Variants in ELL2 observed in about 807,000 individuals in gnomAD.
ELL2 encodes RNA polymerase II elongation factor ELL2.
ELL2 carries 21 observed loss-of-function variants against 72.8 expected under a neutral mutation model. The ratio of observed to expected loss-of-function variants is 0.29; its 90% confidence interval spans 0.20 to 0.42. ELL2 has a LOEUF of 0.42. ELL2 is among the 10% of genes least tolerant of loss of function. The pLI is 1.00. For synonymous variants in ELL2, 266 were observed against 283.2 expected (o/e 0.94, Z 0.61); for missense variants, 568 against 772.8 (o/e 0.73, Z 3.14).
In ELL2 at chr5:95,887,250, A is replaced by T. The variant is rs1344021521; in HGVS notation, c.*1621T>A. On this transcript the variant is annotated 3_prime_UTR_variant, in exon 12 of 12. Transcript: ENST00000237853. ...CTTTGTATAGTCTGTATACTTCTGTATACATTTAGTATATTATCTAATCTT... is the reference window on the plus strand; with the variant it reads ...CTTTGTATAGTCTGTATACTTCTGTTTACATTTAGTATATTATCTAATCTT... The T allele has an allele frequency of 6.6e-6, 1 of 152,288 alleles. No individual in the cohort carries two copies. The highest frequency in any genetic ancestry group is 2.4e-5 in the African/African-American group (1 of 41,454). The allele number at this position is 152,288 out of a possible 1,614,324, so 9.4% of individuals were successfully genotyped here. A position where few individuals can be genotyped will look rare whatever the true frequency, so the allele number is the denominator to read the frequency against.
intron 1 of ELL2, among the ~76,000 whole-genome samples, chr5:95,946,196 G>C (rs1333259993): frequency 2.6e-5 from 4 of 152,160 alleles, no homozygotes; most frequent in Non-Finnish European, 4.4e-5. Flanking sequence ...GTGCAGTCCG[G>C]GCGGATGCTT....
intron 7 of ELL2, among the ~76,000 whole-genome samples, chr5:95,899,271 G>A (rs1749030586): frequency 1.3e-5 from 2 of 152,170 alleles, no homozygotes; most frequent in Admixed American, 1.3e-4. Flanking sequence ...GACTCTGTGA[G>A]AACTAACACA....
At chr5:95,939,541 C>G (rs2112343919) in intron 2 of ELL2, among the ~76,000 whole-genome samples, 1 of 152,348 alleles carries the variant, frequency 6.6e-6, no homozygotes, top group African/African-American at 2.4e-5. Context: ...TGGTTGATAA[C>G]TGCATCAGTA....
intron 1 of ELL2, among the ~76,000 whole-genome samples, chr5:95,955,539 T>C (rs1751596873): frequency 6.6e-6 from 1 of 152,076 alleles, no homozygotes; most frequent in South Asian, 2.1e-4. Flanking sequence ...AGGAAGGAGA[T>C]AAAAAAAGAC....
intron 2 of ELL2, among the ~76,000 whole-genome samples, chr5:95,922,574 C>A (rs759552036): frequency 1.3e-5 from 2 of 152,138 alleles, no homozygotes; most frequent in Non-Finnish European, 2.9e-5. Context: ...GTAGCTTTTT[C>A]CTTTCTCATC....
At position 95,898,762 on chromosome 5, in the gene ELL2, C is replaced by T; in HGVS notation, c.1003G>A (p.Ala335Thr). 6.5e-7 allele frequency: 1 copy of T among 1,540,748 alleles called. No homozygotes were observed. The highest frequency in any genetic ancestry group is 2.3e-5 in the East Asian group (1 of 43,638). The stretch of plus-strand genomic sequence containing the variant: ...CTGTTCGTCAGGTGAGATATTCGGG[C>T]TTTTTTATTCATTAAAGGATCAATA... ...EFIDPLMNKK[A>T]RISHLTNRVP... The change falls in exon 8 of 12, where the codon GCC becomes ACC. Residue 335 changes from alanine to threonine, a missense_variant. Coordinates refer to ENST00000237853, the MANE Select transcript of ELL2 (RefSeq NM_012081.6).
chr5:95,961,373 G>T (rs1257361367), intron 1 of ELL2, among the ~76,000 whole-genome samples: 1 of 151,450 alleles, frequency 6.6e-6, no homozygotes, highest in East Asian at 2.0e-4. Flanking sequence ...GGGGCCGCCC[G>T]ACTGCCCGCT....
intron 2 of ELL2, among the ~76,000 whole-genome samples, chr5:95,931,333 C>T (rs1269224399): frequency 1.3e-5 from 2 of 152,092 alleles, no homozygotes; most frequent in East Asian, 3.8e-4. Context: ...AGGCCCGGTA[C>T]ACAGTAAGTG....
chr5:95,936,729 AGTAAGG>A (rs11280102), intron 2 of ELL2, among the ~76,000 whole-genome samples: 38,028 of 151,950 alleles, frequency 0.25, 4,998 homozygotes, highest in East Asian at 0.37. Flanking sequence ...TAGGTGACAG[AGTAAGG>A]GATGGTTAAA....
intron 9 of ELL2, among the ~76,000 whole-genome samples, chr5:95,894,225 A>T (rs1748780235): frequency 6.6e-6 from 1 of 152,186 alleles, no homozygotes; most frequent in Non-Finnish European, 1.5e-5. Flanking sequence ...GGGCAACAAG[A>T]GCGAAATTCC....
At chr5:95,936,155 T>C (rs980783828) in intron 2 of ELL2, among the ~76,000 whole-genome samples, 1 of 152,248 alleles carries the variant, frequency 6.6e-6, no homozygotes, top group African/African-American at 2.4e-5. Flanking sequence ...TACATCTATA[T>C]GTGTAAAGCT....
chr5:95,927,470 T>A, intron 2 of ELL2, among the ~76,000 whole-genome samples: 1 of 37,782 alleles, frequency 2.6e-5, no homozygotes, highest in Non-Finnish European at 4.3e-5. Context: ...CGTGTGTATA[T>A]AGACATACAC....
At chr5:95,952,901 G>A (rs1561516425) in intron 1 of ELL2, among the ~76,000 whole-genome samples, 1 of 152,160 alleles carries the variant, frequency 6.6e-6, no homozygotes, top group African/African-American at 2.4e-5. Context: ...GAGGAAAGTA[G>A]GCAAAGGAGA....
chr5:95,904,220 T>G (rs1384963946), intron 5 of ELL2, among the ~76,000 whole-genome samples: 1 of 152,226 alleles, frequency 6.6e-6, no homozygotes, highest in Non-Finnish European at 1.5e-5. Context: ...GGGCAGGGTT[T>G]CTATTGGGGT....
chr5:95,919,947 A>G (rs1749985209), intron 2 of ELL2, among the ~76,000 whole-genome samples: 1 of 152,182 alleles, frequency 6.6e-6, no homozygotes, highest in African/African-American at 2.4e-5. Context: ...AATAGCTTCT[A>G]TATATTGAAG....
chr5:95,955,058 G>C (rs376799613), intron 1 of ELL2, among the ~76,000 whole-genome samples: 4 of 152,136 alleles, frequency 2.6e-5, no homozygotes, highest in East Asian at 1.9e-4. Context: ...AGCAGAACAG[G>C]GTCTTTATGG....
chr5:95,919,603 C>G, intron 2 of ELL2, 58 bp from the exon 3 acceptor site: 1 of 1,496,842 alleles, frequency 6.7e-7, no homozygotes, highest in Non-Finnish European at 8.9e-7. Flanking sequence ...ATAGAAAAGT[C>G]TTAAGACTGA....
At chr5:95,911,739 G>T (rs1252058309) in intron 4 of ELL2, among the ~76,000 whole-genome samples, 1 of 152,108 alleles carries the variant, frequency 6.6e-6, no homozygotes, top group Non-Finnish European at 1.5e-5. Context: ...TAATCAAGGG[G>T]TTGGGATACA....
rs1308109895 is a variant in ELL2 at position 95,927,777 on chromosome 5, A to G, written c.196-8232T>C. The stretch of plus-strand genomic sequence containing the variant: ...TGTATATAGACATACACACACACAT[A>G]TGTGTGTATATAGACATACACACAC... On this transcript the variant is annotated intron_variant, in intron 2 of 11. Coordinates refer to ENST00000237853, the MANE Select transcript of ELL2 (RefSeq NM_012081.6). 8.9e-4 allele frequency among the ~76,000 whole-genome samples: 61 copies of G among 68,620 alleles called. 9 individuals carry two copies. The highest frequency in any genetic ancestry group is 2.0e-3 in the Admixed American group (16 of 7,856). The allele number at this position is 68,620 out of a possible 152,430, so 45.0% of individuals were successfully genotyped here.
Sources: allele counts gnomAD v4.1 joint callset (sites outside exome capture counted in the v4.1 genomes callset), GRCh38; gene constraint gnomAD v4.1.1; transcripts MANE v1.5; gene names NCBI Gene and HGNC (gene_info 2026-07-23, HGNC 2026-07-21).